Variants in STK11 observed in about 807,000 individuals in gnomAD.
STK11 encodes serine/threonine-protein kinase STK11.
A neutral mutation model predicts 47.3 loss-of-function variants in STK11; 8 were observed. The ratio of observed to expected loss-of-function variants is 0.17; its 90% CI spans 0.10 to 0.31. The LOEUF (loss-of-function observed/expected upper bound fraction) is 0.31, where lower values mean the gene tolerates loss of function less well. Ranked by LOEUF, STK11 falls within the 10% of genes least tolerant of loss-of-function variation. The probability of loss-of-function intolerance (pLI) is 1.00; values close to 1 mark genes in which losing one functional copy is unlikely to be tolerated. For synonymous variants in STK11, 330 were observed against 255.8 expected (o/e 1.29, Z -2.77); for missense variants, 475 against 605.0 (o/e 0.79, Z 2.25).
chr19:1,218,134 C>G (rs1162376355), intron 1 of STK11, among the ~76,000 whole-genome samples: 2 of 151,852 alleles, frequency 1.3e-5, no homozygotes, highest in Non-Finnish European at 2.9e-5. Flanking sequence ...CAGAGCAAGA[C>G]TCTGTCTCAG....
rs1044460918 is a variant in STK11 at position 1,206,866 on chromosome 19, C to T, written c.-48C>T. On this transcript the variant is annotated 5_prime_UTR_variant, in exon 1 of 10. Coordinates refer to ENST00000326873, the MANE Select transcript of STK11 (RefSeq NM_000455.5). ...TCGGAACACAAGGAAGGACCGCTCA[C>T]CCGCGGACTCAGGGCTGGCGGCGGG... is the stretch of plus-strand genomic sequence containing the variant. The T allele has an allele frequency of 7.8e-6, 12 of 1,529,802 alleles. No individual in the cohort carries two copies. The African/African-American group carries it at 8.2e-5, about 11-fold the overall frequency. The allele number at this position is 1,529,802 out of a possible 1,614,324, so 94.8% of individuals were successfully genotyped here. A position where few individuals can be genotyped will look rare whatever the true frequency, so the allele number is the denominator to read the frequency against.
intron 7 of STK11, among the ~76,000 whole-genome samples, chr19:1,222,677 C>A (rs555961086): frequency 6.6e-6 from 1 of 152,282 alleles, no homozygotes; most frequent in South Asian, 2.1e-4. Flanking sequence ...GTGCTCAGGG[C>A]CCCCCAGACC....
intron 8 of STK11, 87 bp from the exon 9 acceptor site, chr19:1,226,367 G>A (rs1599931897): frequency 1.3e-6 from 2 of 1,542,064 alleles, no homozygotes; most frequent in Non-Finnish European, 1.8e-6. Flanking sequence ...AGCTGTAAGT[G>A]CGTCCCCGTG....
Position 1,223,160 on chromosome 19 carries a change from T to A in STK11, c.1096T>A (p.Phe366Ile). 6.2e-7 allele frequency: 1 copy of A among 1,611,340 alleles called. No individual in the cohort carries two copies. The highest frequency in any genetic ancestry group is 1.3e-5 in the African/African-American group (1 of 75,042). Residue 366 changes from phenylalanine to isoleucine, a missense_variant, in exon 8 of 10, where the codon TTC (phenylalanine) becomes ATC (isoleucine). Around this residue, in one of 5 missense-constraint regions of STK11, gnomAD observed 219 missense variants for 189.2 expected, o/e 1.16. Coordinates refer to ENST00000326873, the MANE Select transcript of STK11 (RefSeq NM_000455.5). The stretch of plus-strand genomic sequence containing the variant: ...GGATGACATCATCTACACTCAGGAC[T>A]TCACGGTGCCCGGTGAGTCTGGCGG... The part of the protein sequence containing the change: ...IEDDIIYTQD[F>I]TVPGQVPEEE...
chr19:1,226,621 C>G lies in STK11; in HGVS notation c.1276C>G (p.Arg426Gly), dbSNP rs587782687. The G allele has an allele frequency of 1.2e-5, 18 of 1,547,018 alleles. No individual in the cohort carries two copies. Among genetic ancestry groups the G allele is most frequent in the Non-Finnish European group, 1.3e-5 (15 of 1,147,050 alleles). Residue 426 changes from arginine to glycine, a missense_variant, in exon 9 of 10, where the codon CGG (arginine) becomes GGG (glycine). Arg to Gly is a moderately radical substitution (Grantham distance 125). Coordinates refer to ENST00000326873, the MANE Select transcript of STK11 (RefSeq NM_000455.5). ...KACSASSKIR[R>G]LSACKQQ is the part of the protein sequence containing the mutation. ...CTGCTCCGCCAGCAGCAAGATCCGC[C>G]GGCTGTCGGCCTGCAAGCAGCAGTG...
chr19:1,215,898 G>A (rs779125582), intron 1 of STK11, among the ~76,000 whole-genome samples: 2 of 152,070 alleles, frequency 1.3e-5, no homozygotes, highest in East Asian at 1.9e-4. Context: ...CACCACGCCC[G>A]GCTAATTTTT....
chr19:1,219,534 T>C (rs2080767707), intron 3 of STK11, 121 bp downstream of exon 3: 1 of 963,180 alleles, frequency 1.0e-6, no homozygotes, highest in South Asian at 1.7e-5. Context: ...CCAAGTTTTT[T>C]TGTTTTTTTG....
intron 3 of STK11, among the ~76,000 whole-genome samples, chr19:1,219,644 C>T (rs2080768811): frequency 6.6e-6 from 1 of 152,032 alleles, no homozygotes; most frequent in African/African-American, 2.4e-5. Context: ...CTCCGAGGTT[C>T]ACGCCATTCT....
At chr19:1,214,872 G>A (rs1469702893) in intron 1 of STK11, among the ~76,000 whole-genome samples, 4 of 152,340 alleles carry the variant, frequency 2.6e-5, no homozygotes, top group South Asian at 2.1e-4. Flanking sequence ...TGCTGAGGGA[G>A]GGGGTGCTTT....
intron 1 of STK11, among the ~76,000 whole-genome samples, chr19:1,215,827 C>T (rs2080741245): frequency 6.6e-6 from 1 of 152,064 alleles, no homozygotes; most frequent in African/African-American, 2.4e-5. Flanking sequence ...ACCTCCGCCT[C>T]CCAGGTTCAA....
chr19:1,228,035 T>C lies in STK11; in HGVS notation c.*459T>C. The C allele has an allele frequency of 9.4e-7, 1 of 1,065,738 alleles. No individual in the cohort carries two copies. The highest frequency in any genetic ancestry group is 1.1e-6 in the Non-Finnish European group (1 of 879,736). 66.0% of individuals were successfully genotyped at this position (1,065,738 alleles called of 1,614,324 possible). On this transcript the variant is annotated 3_prime_UTR_variant, in exon 10 of 10. Transcript: ENST00000326873. ...CGCGCGGCCGCTTTGGTTTTTTGTT[T>C]GGTTGGTTCCATTTTCTTTTTTTCT...
At chr19:1,220,546 G>A (rs1470837512) in intron 4 of STK11, 35 bp from the exon 5 acceptor site, 6 of 1,578,150 alleles carry the variant, frequency 3.8e-6, no homozygotes, top group East Asian at 2.3e-5. Flanking sequence ...GCCCCCTCCC[G>A]GGCACTCCCT....
chr19:1,218,575 C>T, intron 2 of STK11, 75 bp downstream of exon 2: 1 of 1,270,034 alleles, frequency 7.9e-7, no homozygotes, highest in Non-Finnish European at 1.1e-6. Context: ...GCCTCGAGGC[C>T]TGCTCCTCTT....
chr19:1,213,121 C>T (rs1032501915), intron 1 of STK11, among the ~76,000 whole-genome samples: 3 of 150,892 alleles, frequency 2.0e-5, no homozygotes, highest in South Asian at 4.2e-4. Flanking sequence ...CTCAGCCTCC[C>T]GAATAGCTGG....
In STK11 at chr19:1,226,573, G is replaced by A. The variant is rs2080823389; in HGVS notation, c.1228G>A (p.Ala410Thr). The A allele has an allele frequency of 3.2e-6, 5 of 1,584,818 alleles. No homozygotes were observed. The highest frequency in any genetic ancestry group is 2.6e-6 in the Non-Finnish European group (3 of 1,167,410). Residue 410 changes from alanine (A) to threonine (T), a missense_variant, in exon 9 of 10, where the codon GCC becomes ACC. Physicochemically the swap from Ala to Thr is moderately conservative, Grantham distance 58 (BLOSUM62 0). This residue lies in a region of STK11 where 219 missense variants were observed against 189.2 expected (regional missense o/e 1.16). Transcript: ENST00000326873. ...LSTKSRAEGRAPNPARKACSA... is the reference protein window; with the variant it reads ...LSTKSRAEGRTPNPARKACSA... ...CACCAAATCCAGGGCGGAGGGCCGG[G>A]CCCCCAACCCTGCCCGCAAGGCCTG...
chr19:1,222,137 G>T, intron 7 of STK11, 131 bp downstream of exon 7: 4 of 1,119,412 alleles, frequency 3.6e-6, no homozygotes, highest in Middle Eastern at 2.7e-4. Context: ...CCCGTGCAGC[G>T]CCCGCAGTTC....
At chr19:1,223,769 T>C in intron 8 of STK11, 2 of 1,037,344 alleles carry the variant, frequency 1.9e-6, no homozygotes, top group South Asian at 4.6e-5. Flanking sequence ...CTCAGGGCCT[T>C]AGCGTAGGGG....
chr19:1,218,406 C>G lies in STK11; in HGVS notation c.291-11C>G. ...GGGTCGGCTGATACACCCCTGTCCT[C>G]TCTGTCCCAGGGAAATTCAACTACT... is the stretch of plus-strand genomic sequence containing the variant. On this transcript the variant is annotated splice_polypyrimidine_tract_variant and intron_variant, in intron 1 of 9. Transcript: ENST00000326873. 6.2e-7 allele frequency: 1 copy of G among 1,611,552 alleles called. No homozygotes were observed. Among genetic ancestry groups the G allele is most frequent in the South Asian group, 1.1e-5 (1 of 91,044 alleles).
chr19:1,226,863 G>C (rs947448184), intron 9 of STK11, 200 bp downstream of exon 9: 3 of 641,476 alleles, frequency 4.7e-6, no homozygotes, highest in Admixed American at 7.0e-5. Flanking sequence ...TGGCCAGCGT[G>C]CTGGTCATGG....
Sources: allele counts gnomAD v4.1 joint callset (sites outside exome capture counted in the v4.1 genomes callset), GRCh38; gene constraint gnomAD v4.1.1; regional missense constraint gnomAD v4.1.1; transcripts MANE v1.5; gene names NCBI Gene and HGNC (gene_info 2026-07-23, HGNC 2026-07-21).